The following SV2B variants were observed in gnomAD, a reference collection of about 807,000 sequenced individuals.
SV2B encodes the protein synaptic vesicle glycoprotein 2B.
Under a neutral mutation model 73.9 loss-of-function variants are expected in SV2B, and 41 were observed. The observed-to-expected ratio is 0.56, with a 90% confidence interval of 0.43 to 0.72. SV2B has a LOEUF of 0.72. SV2B is among the 30% of genes least tolerant of loss of function. SV2B has a pLI of 0.00. For missense variants in SV2B, 764 were observed against 857.8 expected (o/e 0.89, Z 1.37); for synonymous variants, 314 against 314.2 (o/e 1.00, Z 0.01).
rs1399802584 is a variant in SV2B at position 91,225,924 on chromosome 15, T to A, written c.-340T>A. On this transcript the variant is annotated 5_prime_UTR_variant, in exon 2 of 13. Transcript: ENST00000394232. ...TCAGGCCAGCACGCAGTCTGCCAAG[T>A]CCTGCTCGCTCCCTGTCAAGAAAAA... The A allele has an allele frequency of 3.1e-6, 1 of 327,370 alleles. No homozygotes were observed. The highest frequency in any genetic ancestry group is 5.7e-6 in the Non-Finnish European group (1 of 176,892). 20.3% of individuals were successfully genotyped at this position (327,370 alleles called of 1,614,324 possible).
chr15:91,151,007 C>T (rs1353904925), intron 1 of SV2B, among the ~76,000 whole-genome samples: 1 of 152,180 alleles, frequency 6.6e-6, no homozygotes, highest in African/African-American at 2.4e-5. Flanking sequence ...TGGGAGGGGG[C>T]ATGGGTTCCT....
intron 1 of SV2B, among the ~76,000 whole-genome samples, chr15:91,157,872 T>C (rs2043544839): frequency 6.6e-6 from 1 of 152,202 alleles, no homozygotes; most frequent in African/African-American, 2.4e-5. Flanking sequence ...CAAAATACTC[T>C]GTGTGCCTCC....
chr15:91,165,118 C>A (rs2043864988), intron 1 of SV2B, among the ~76,000 whole-genome samples: 1 of 152,056 alleles, frequency 6.6e-6, no homozygotes, highest in Non-Finnish European at 1.5e-5. Context: ...GGGTGGATCA[C>A]CTGAGGTCAG....
At chr15:91,190,157 A>T (rs954356250) in intron 1 of SV2B, among the ~76,000 whole-genome samples, 7 of 152,126 alleles carry the variant, frequency 4.6e-5, no homozygotes, top group Non-Finnish European at 7.4e-5. Flanking sequence ...TTTAGGGTAC[A>T]TGTGCACAAC....
At chr15:91,287,679 G>A (rs1430582695) in intron 11 of SV2B, among the ~76,000 whole-genome samples, 1 of 152,172 alleles carries the variant, frequency 6.6e-6, no homozygotes, top group Non-Finnish European at 1.5e-5. Flanking sequence ...GGAGCCCTGC[G>A]AGGCTAACCT....
At chr15:91,216,947 G>A (rs2046051881) in intron 1 of SV2B, among the ~76,000 whole-genome samples, 1 of 148,678 alleles carries the variant, frequency 6.7e-6, no homozygotes. Context: ...GAATACAGTG[G>A]CACGATCTCA....
chr15:91,213,328 A>T (rs1333498527), intron 1 of SV2B, among the ~76,000 whole-genome samples: 1 of 152,082 alleles, frequency 6.6e-6, no homozygotes, highest in Non-Finnish European at 1.5e-5. Flanking sequence ...GCAGTGGGAG[A>T]TGCAGTTAGG....
chr15:91,205,310 G>A (rs1304968771), intron 1 of SV2B, among the ~76,000 whole-genome samples: 1 of 152,030 alleles, frequency 6.6e-6, no homozygotes, highest in Non-Finnish European at 1.5e-5. Context: ...CTCCCAGTGT[G>A]GGGAAAAATG....
At chr15:91,251,062 C>G (rs11854057) in intron 2 of SV2B, among the ~76,000 whole-genome samples, 3,317 of 152,202 alleles carry the variant, frequency 0.022, 74 homozygotes, top group East Asian at 0.095. Context: ...TACTACAAAA[C>G]TGTAGTAATT....
rs898253761 is a variant in SV2B, at chr15:91,121,396, T to C, written c.-392+21033T>C. ...TTTTTAAAAATAAGCTGCCCAATGA[T>C]CCTAATGTGCAGCCAAGACCCAGTG... On this transcript the variant is annotated intron_variant, in intron 1 of 12. Coordinates refer to ENST00000394232, the MANE Select transcript of SV2B (RefSeq NM_001323032.3). This position sits in a 1 kb window ranked among gnomAD's most constrained non-coding sequence, Gnocchi z 4.4. Among the ~76,000 whole-genome samples, 2 of 152,210 alleles carry C rather than the reference T, an allele frequency of 1.3e-5. No homozygotes were observed. The highest frequency in any genetic ancestry group is 4.8e-5 in the African/African-American group (2 of 41,450).
chr15:91,234,155 A>C lies in SV2B; in HGVS notation c.451+7441A>C, dbSNP rs80082284. On this transcript the variant is annotated intron_variant, in intron 2 of 12. Coordinates refer to ENST00000394232, the MANE Select transcript of SV2B (RefSeq NM_001323032.3). This position sits in a 1 kb window ranked among gnomAD's most constrained non-coding sequence, Gnocchi z 5.6. ...CGAAATGCCAGACCTATGTTGGTTT[A>C]TGGTAGAGGAAGAGATTGAAAGGCC... Among the ~76,000 whole-genome samples, 2,274 of 152,286 alleles carry C rather than the reference A, an allele frequency of 0.015. 63 individuals carry two copies. The highest frequency in any genetic ancestry group is 0.12 in the East Asian group (596 of 5,176).
chr15:91,175,295 C>G (rs936056285), intron 1 of SV2B, among the ~76,000 whole-genome samples: 1 of 151,686 alleles, frequency 6.6e-6, no homozygotes, highest in African/African-American at 2.4e-5. Context: ...CGCTGTGTAG[C>G]CCAGGCTGGA....
chr15:91,151,762 G>A (rs534918248), intron 1 of SV2B, among the ~76,000 whole-genome samples: 1 of 152,200 alleles, frequency 6.6e-6, no homozygotes, highest in South Asian at 2.1e-4. Flanking sequence ...TTTGTATCTG[G>A]GCTGGAAATC....
At chr15:91,147,252 A>G (rs2043172409) in intron 1 of SV2B, among the ~76,000 whole-genome samples, 1 of 152,194 alleles carries the variant, frequency 6.6e-6, no homozygotes, top group Non-Finnish European at 1.5e-5. Context: ...GCCAGTCCTC[A>G]AAGCCTACCA....
At chr15:91,168,332 A>AGAGAG (rs1567308862) in intron 1 of SV2B, among the ~76,000 whole-genome samples, 2 of 78,320 alleles carry the variant, frequency 2.6e-5, no homozygotes, top group African/African-American at 8.6e-5. Flanking sequence ...GAGAGAGAGA[A>AGAGAG]AAGAAATTTC....
intron 9 of SV2B, among the ~76,000 whole-genome samples, chr15:91,272,115 C>T (rs1284598766): frequency 6.6e-6 from 1 of 152,192 alleles, no homozygotes; most frequent in Non-Finnish European, 1.5e-5. Context: ...CCCAAAGCAT[C>T]ATCTGCATCC....
chr15:91,219,622 G>C (rs1446851997), intron 1 of SV2B, among the ~76,000 whole-genome samples: 1 of 151,966 alleles, frequency 6.6e-6, no homozygotes, highest in Non-Finnish European at 1.5e-5. Flanking sequence ...GCTTTATTGA[G>C]GTATATTTTA....
In SV2B at chr15:91,229,309, C is replaced by G. The variant is rs1045723557; in HGVS notation, c.451+2595C>G. ...GGCAAGTTATGACTCCTCTAATTCT[C>G]GGTGTTTCCATCTGTAGAATAAGAG... On this transcript the variant is annotated intron_variant, in intron 2 of 12. Coordinates refer to ENST00000394232, the MANE Select transcript of SV2B (RefSeq NM_001323032.3). This position sits in a 1 kb window ranked among gnomAD's most constrained non-coding sequence, Gnocchi z 4.3. 6.6e-6 allele frequency among the ~76,000 whole-genome samples: 1 copy of G among 152,098 alleles called. No individual in the cohort carries two copies. The highest frequency in any genetic ancestry group is 6.5e-5 in the Admixed American group (1 of 15,274).
chr15:91,111,592 A>C (rs2042037807), intron 1 of SV2B, among the ~76,000 whole-genome samples: 1 of 152,062 alleles, frequency 6.6e-6, no homozygotes, highest in African/African-American at 2.4e-5. Context: ...TGTTGTGGGG[A>C]GGATAGGGAA....
Sources: allele counts gnomAD v4.1 joint callset (sites outside exome capture counted in the v4.1 genomes callset), GRCh38; gene constraint gnomAD v4.1.1; non-coding constraint Gnocchi (gnomAD v3.1); transcripts MANE v1.5; gene names NCBI Gene and HGNC (gene_info 2026-07-23, HGNC 2026-07-21).